Variants in SLC35D4 observed in about 807,000 individuals in gnomAD.
SLC35D4 encodes solute carrier family 35 member D4, also known as UDP-N-acetylglucosamine transporter SLC35D4.
chr18:23,389,473 C>A, the SLC35D4 span, among the ~76,000 whole-genome samples: 1 of 152,200 alleles, frequency 6.6e-6, no homozygotes, highest in Non-Finnish European at 1.5e-5. Context: ...GCTTTAAAGA[C>A]CCTTACTCTA....
the SLC35D4 span, among the ~76,000 whole-genome samples, chr18:23,419,261 A>T: frequency 6.6e-6 from 1 of 152,078 alleles, no homozygotes. Flanking sequence ...TTTTGGCTAG[A>T]TAATGTCATG....
chr18:23,253,038 A>G, the SLC35D4 span: 1 of 1,613,522 alleles, frequency 6.2e-7, no homozygotes, highest in Non-Finnish European at 8.5e-7. Context: ...GTTTCCTCAC[A>G]TTAAGCTGAC....
chr18:23,297,727 G>C, the SLC35D4 span: 10 of 389,972 alleles, frequency 2.6e-5, no homozygotes, highest in East Asian at 3.4e-4. Flanking sequence ...CAGCACGGTT[G>C]AGAGAGGTTC....
At chr18:23,401,402 T>C in the SLC35D4 span, among the ~76,000 whole-genome samples, 1 of 152,198 alleles carries the variant, frequency 6.6e-6, no homozygotes, top group Non-Finnish European at 1.5e-5. Context: ...CTGAGGGATA[T>C]TCTGTTACAC....
the SLC35D4 span, among the ~76,000 whole-genome samples, chr18:23,397,024 T>C: frequency 6.6e-6 from 1 of 152,172 alleles, no homozygotes; most frequent in Non-Finnish European, 1.5e-5. Flanking sequence ...GAAAACACAC[T>C]AGACTGACAT....
At chr18:23,335,220 T>C in the SLC35D4 span, among the ~76,000 whole-genome samples, 15 of 152,354 alleles carry the variant, frequency 9.8e-5, no homozygotes, top group African/African-American at 3.1e-4. Context: ...TAACAGACAG[T>C]TATTTTCACA....
At chr18:23,244,342 T>A in the SLC35D4 span, among the ~76,000 whole-genome samples, 1 of 152,250 alleles carries the variant, frequency 6.6e-6, no homozygotes, top group African/African-American at 2.4e-5. Context: ...CCTGTGTTCC[T>A]CTCCGTGTGC....
the SLC35D4 span, among the ~76,000 whole-genome samples, chr18:23,363,090 C>CA: frequency 6.6e-6 from 1 of 151,554 alleles, no homozygotes; most frequent in Non-Finnish European, 1.5e-5. Flanking sequence ...ACTAAAAATA[C>CA]AAAAATTAGC....
At chr18:23,391,768 T>G in the SLC35D4 span, among the ~76,000 whole-genome samples, 1 of 152,146 alleles carries the variant, frequency 6.6e-6, no homozygotes, top group East Asian at 1.9e-4. Context: ...ATTACAGGCA[T>G]GGGCCACCAT....
the SLC35D4 span, among the ~76,000 whole-genome samples, chr18:23,290,793 AT>A: frequency 0.26 from 37,903 of 143,478 alleles, 5,434 homozygotes; most frequent in African/African-American, 0.4. Flanking sequence ...CACCCTGCTA[AT>A]TTTTTTTTTT....
At chr18:23,373,847 T>C in the SLC35D4 span, 29 of 1,474,418 alleles carry the variant, frequency 2.0e-5, no homozygotes, top group Non-Finnish European at 2.7e-5. Flanking sequence ...AAATGCATCC[T>C]CTGGAGTTGG....
the SLC35D4 span, chr18:23,257,263 C>CTGA: frequency 1.2e-6 from 2 of 1,612,842 alleles, no homozygotes; most frequent in Non-Finnish European, 1.7e-6. Context: ...CAGGCGAGAA[C>CTGA]TGATTGCCTT....
chr18:23,286,529 G>A, the SLC35D4 span, among the ~76,000 whole-genome samples: 11 of 152,128 alleles, frequency 7.2e-5, no homozygotes, highest in South Asian at 2.1e-4. Flanking sequence ...GCTGAAGACT[G>A]ATGCTGCCCG....
the SLC35D4 span, among the ~76,000 whole-genome samples, chr18:23,431,879 A>C: frequency 6.6e-6 from 1 of 152,178 alleles, no homozygotes; most frequent in African/African-American, 2.4e-5. Context: ...GGCTTTAGGC[A>C]AGGACTCTGC....
At chr18:23,277,236 A>G in the SLC35D4 span, among the ~76,000 whole-genome samples, 1 of 152,156 alleles carries the variant, frequency 6.6e-6, no homozygotes, top group Non-Finnish European at 1.5e-5. Flanking sequence ...TAATTGAATC[A>G]TGGGGGCGGT....
chr18:23,324,162 G>T, the SLC35D4 span, among the ~76,000 whole-genome samples: 4 of 151,954 alleles, frequency 2.6e-5, no homozygotes, highest in Admixed American at 2.6e-4. Context: ...CCTCCCAGCT[G>T]CCCCAGGTGC....
At chr18:23,291,524 G>A in the SLC35D4 span, among the ~76,000 whole-genome samples, 6 of 152,246 alleles carry the variant, frequency 3.9e-5, no homozygotes, top group African/African-American at 9.6e-5. Flanking sequence ...GCACTCGGCT[G>A]GCAGATGGGC....
the SLC35D4 span, among the ~76,000 whole-genome samples, chr18:23,379,085 G>A: frequency 2.8e-4 from 43 of 151,770 alleles, no homozygotes; most frequent in African/African-American, 9.7e-4. Context: ...TCACACCTGC[G>A]TAACTGCCCC....
At chr18:23,388,542 T>C in the SLC35D4 span, among the ~76,000 whole-genome samples, 58 of 152,200 alleles carry the variant, frequency 3.8e-4, no homozygotes, top group African/African-American at 1.4e-3. Flanking sequence ...GCACAAATTA[T>C]GTCAAGCCAC....
Sources: allele counts gnomAD v4.1 joint callset (sites outside exome capture counted in the v4.1 genomes callset), GRCh38; gene constraint gnomAD v4.1.1; transcripts MANE v1.5; gene names NCBI Gene and HGNC (gene_info 2026-07-23, HGNC 2026-07-21).